Variants in MTSS1 observed in about 807,000 individuals in gnomAD.
MTSS1 encodes the protein MTSS I-BAR domain containing 1, also known as protein MTSS 1.
A neutral mutation model predicts 79.0 loss-of-function variants in MTSS1; 18 were observed. The ratio of observed to expected loss-of-function variants is 0.23; its 90% CI spans 0.16 to 0.34. MTSS1 has a LOEUF of 0.34. Among genes scored for constraint, MTSS1 ranks in the 10% least tolerant of loss-of-function variants. MTSS1 has a pLI of 1.00. For missense variants in MTSS1, 815 were observed against 986.2 expected, an observed-to-expected ratio of 0.83 and a Z score of 2.33; for synonymous variants, 341 against 368.6, an observed-to-expected ratio of 0.93 and a Z score of 0.86.
chr8:124,728,091 G>A lies in MTSS1; in HGVS notation c.-136C>T, dbSNP rs1000637463. The A allele has an allele frequency of 1.4e-4, 96 of 672,204 alleles. No homozygotes were observed. The East Asian group carries it at 2.4e-3, about 17-fold the overall frequency. 41.6% of individuals were successfully genotyped at this position (672,204 alleles called of 1,614,324 possible). The stretch of plus-strand genomic sequence containing the variant: ...GACTCGCAGCCTCTTCTGCAGCGAG[G>A]ACGGGGTGCACCAGACCGACTGTTC... On this transcript the variant is annotated 5_prime_UTR_variant, in exon 1 of 14. Coordinates refer to ENST00000518547, the MANE Select transcript of MTSS1 (RefSeq NM_014751.6). This position sits in a 1 kb window ranked among gnomAD's most constrained non-coding sequence, Gnocchi z 6.1.
chr8:124,585,486 C>T (rs1830705985), intron 5 of MTSS1, among the ~76,000 whole-genome samples: 1 of 151,794 alleles, frequency 6.6e-6, no homozygotes, highest in South Asian at 2.1e-4. Flanking sequence ...ATGATCTCGG[C>T]TCACTGCCAC....
At chr8:124,707,420 C>A (rs13271859) in intron 1 of MTSS1, among the ~76,000 whole-genome samples, 20,897 of 135,948 alleles carry the variant, frequency 0.15, 1,733 homozygotes, top group South Asian at 0.23. Context: ...AACAAACAAA[C>A]AAAAAAAAAA....
intron 3 of MTSS1, among the ~76,000 whole-genome samples, chr8:124,686,120 T>C (rs891736771): frequency 1.1e-4 from 16 of 152,102 alleles, no homozygotes; most frequent in African/African-American, 3.9e-4. Flanking sequence ...CTGACTGTCA[T>C]CTCATAGACA....
chr8:124,688,745 C>T (rs1375012007), intron 3 of MTSS1, among the ~76,000 whole-genome samples: 3 of 152,122 alleles, frequency 2.0e-5, no homozygotes, highest in African/African-American at 7.2e-5. Flanking sequence ...TGAACTCCCT[C>T]ACCATGAAAC....
In MTSS1 at chr8:124,582,009, C is replaced by A. The variant is rs556724227; in HGVS notation, c.460+3078G>T. Among the ~76,000 whole-genome samples the A allele has an allele frequency of 6.6e-6, 1 of 152,290 alleles. No homozygotes were observed. The highest frequency in any genetic ancestry group is 2.1e-4 in the South Asian group (1 of 4,824). On this transcript the variant is annotated intron_variant, in intron 6 of 13. Coordinates refer to ENST00000518547, the MANE Select transcript of MTSS1 (RefSeq NM_014751.6). The surrounding 1 kb of genome is among the most constrained non-coding windows in gnomAD (Gnocchi z 4.8). ...GCCTGGGGTTACTGGGTCCGCTCCA[C>A]ACCATCTCCCCAGCATCCTGCCGCC... is the stretch of plus-strand genomic sequence containing the variant.
intron 6 of MTSS1, chr8:124,577,537 T>C (rs1220511085): frequency 1.9e-6 from 1 of 517,584 alleles, no homozygotes; most frequent in Non-Finnish European, 3.9e-6. Flanking sequence ...GTGCCCGGCC[T>C]TGGAGGAGAT....
intron 3 of MTSS1, among the ~76,000 whole-genome samples, chr8:124,632,975 T>TC (rs1160178280): frequency 1.3e-5 from 2 of 151,646 alleles, no homozygotes. Flanking sequence ...GCCTCAATCC[T>TC]GCCTTTCACT....
chr8:124,588,268 C>A (rs1831216680), intron 5 of MTSS1, among the ~76,000 whole-genome samples: 1 of 152,230 alleles, frequency 6.6e-6, no homozygotes, highest in Admixed American at 6.5e-5. Flanking sequence ...ACTCCCAGAG[C>A]ACCCGGTTGG....
chr8:124,640,239 T>A (rs1817776444), intron 3 of MTSS1, among the ~76,000 whole-genome samples: 1 of 152,270 alleles, frequency 6.6e-6, no homozygotes, highest in African/African-American at 2.4e-5. Flanking sequence ...GCAGTCACTC[T>A]GGTTCTACGG....
intron 3 of MTSS1, among the ~76,000 whole-genome samples, chr8:124,635,556 C>G (rs936460842): frequency 2.0e-5 from 3 of 152,222 alleles, no homozygotes; most frequent in Non-Finnish European, 4.4e-5. Context: ...GCCTCCCTAC[C>G]CAGAGCACAG....
chr8:124,639,397 A>C (rs900745497), intron 3 of MTSS1, among the ~76,000 whole-genome samples: 1 of 152,186 alleles, frequency 6.6e-6, no homozygotes, highest in African/African-American at 2.4e-5. Flanking sequence ...ACAAAAATTT[A>C]AGTGGTTCCT....
intron 3 of MTSS1, among the ~76,000 whole-genome samples, chr8:124,611,365 T>C (rs1256877841): frequency 6.6e-6 from 1 of 152,186 alleles, no homozygotes; most frequent in Non-Finnish European, 1.5e-5. Flanking sequence ...ACCTTGCCCA[T>C]GTGTTGCTGC....
intron 3 of MTSS1, among the ~76,000 whole-genome samples, chr8:124,647,561 T>C (rs1348221234): frequency 2.0e-5 from 3 of 152,122 alleles, no homozygotes; most frequent in Admixed American, 6.6e-5. Flanking sequence ...TTTGTACTTT[T>C]AGCTAACAAC....
intron 2 of MTSS1, among the ~76,000 whole-genome samples, chr8:124,699,884 C>T (rs996972369): frequency 1.3e-4 from 20 of 152,142 alleles, no homozygotes; most frequent in Non-Finnish European, 2.8e-4. Flanking sequence ...TGGTGGCTCA[C>T]GCCTGTATTC....
chr8:124,652,277 G>T (rs1587594438), intron 3 of MTSS1, among the ~76,000 whole-genome samples: 1 of 152,106 alleles, frequency 6.6e-6, no homozygotes, highest in East Asian at 1.9e-4. Flanking sequence ...AGGTTCAAGT[G>T]ATTCTCCTGC....
intron 3 of MTSS1, among the ~76,000 whole-genome samples, chr8:124,646,870 T>A (rs1378330551): frequency 6.6e-6 from 1 of 151,904 alleles, no homozygotes; most frequent in Non-Finnish European, 1.5e-5. Flanking sequence ...CAGGCTGGAG[T>A]ACACTGGCTC....
rs10693846 is a variant in MTSS1, at chr8:124,697,253, T to TA, written c.208+2272dup. Among the ~76,000 whole-genome samples the TA allele has an allele frequency of 1.8e-3, 265 of 146,234 alleles. 1 individual carries two copies. The highest frequency in any genetic ancestry group is 3.0e-3 in the Non-Finnish European group (201 of 66,470). ...AGTTCCTTAAAACAGTAGAGCAGCT[T>TA]AAAAAAAAAAAAAGACATATTCTGG... On this transcript the variant is annotated intron_variant, in intron 3 of 13. Coordinates refer to ENST00000518547, the MANE Select transcript of MTSS1 (RefSeq NM_014751.6).
intron 6 of MTSS1, among the ~76,000 whole-genome samples, chr8:124,583,363 T>C (rs1430977828): frequency 1.3e-5 from 2 of 152,204 alleles, no homozygotes; most frequent in African/African-American, 2.4e-5. Context: ...CCAGCCTTGA[T>C]AGGGAGCTCA....
intron 3 of MTSS1, among the ~76,000 whole-genome samples, chr8:124,639,854 A>G (rs932405101): frequency 6.6e-6 from 1 of 152,212 alleles, no homozygotes; most frequent in African/African-American, 2.4e-5. Context: ...TTCTTGCCCC[A>G]ATAGCTAATA....
Sources: allele counts gnomAD v4.1 joint callset (sites outside exome capture counted in the v4.1 genomes callset), GRCh38; gene constraint gnomAD v4.1.1; non-coding constraint Gnocchi (gnomAD v3.1); transcripts MANE v1.5; gene names NCBI Gene and HGNC (gene_info 2026-07-23, HGNC 2026-07-21).